Variants in FBXL17 observed in about 807,000 individuals in gnomAD.
FBXL17 encodes the protein F-box and leucine rich repeat protein 17, also known as F-box/LRR-repeat protein 17.
In FBXL17, 22 loss-of-function variants were observed where a neutral mutation model predicts 66.2. That is an observed-to-expected ratio of 0.33 (90% CI 0.24 to 0.47). FBXL17 has a LOEUF of 0.47. FBXL17 is among the 20% of genes least tolerant of loss of function. The pLI, the probability that FBXL17 is intolerant of heterozygous loss-of-function variation, is 1.00. For synonymous variants in FBXL17, 474 were observed against 400.5 expected (o/e 1.18, Z -2.19); for missense variants, 878 against 948.2 (o/e 0.93, Z 0.97).
At chr5:107,919,539 T>C (rs1191661092) in intron 7 of FBXL17, among the ~76,000 whole-genome samples, 1 of 152,148 alleles carries the variant, frequency 6.6e-6, no homozygotes, top group African/African-American at 2.4e-5. Flanking sequence ...CCAGTGTCTT[T>C]TACCTCCAGA....
At chr5:108,359,906 A>C (rs898257001) in intron 3 of FBXL17, among the ~76,000 whole-genome samples, 2 of 152,100 alleles carry the variant, frequency 1.3e-5, no homozygotes, top group Non-Finnish European at 2.9e-5. Context: ...TCAAATGATT[A>C]ATGTACAACT....
intron 7 of FBXL17, among the ~76,000 whole-genome samples, chr5:107,885,197 T>A (rs1380291128): frequency 6.6e-6 from 1 of 152,218 alleles, no homozygotes; most frequent in Non-Finnish European, 1.5e-5. Flanking sequence ...TTTAATATAC[T>A]TTTTAATGTG....
intron 6 of FBXL17, among the ~76,000 whole-genome samples, chr5:108,184,718 A>G (rs1244291927): frequency 7.6e-6 from 1 of 131,254 alleles, no homozygotes; most frequent in Non-Finnish European, 1.5e-5. Context: ...ACTGCACTCC[A>G]GCCCGGGTGC....
intron 4 of FBXL17, among the ~76,000 whole-genome samples, chr5:108,296,289 A>G (rs1758347794): frequency 6.6e-6 from 1 of 151,810 alleles, no homozygotes; most frequent in South Asian, 2.1e-4. Flanking sequence ...GGGAATCAGG[A>G]TATGATTCAT....
intron 7 of FBXL17, among the ~76,000 whole-genome samples, chr5:107,948,577 C>G (rs1284908218): frequency 2.0e-5 from 3 of 152,206 alleles, no homozygotes; most frequent in Non-Finnish European, 4.4e-5. Context: ...AGAGAGTAAA[C>G]AGAGCTGTCT....
At chr5:108,297,880 A>G (rs1189674367) in intron 4 of FBXL17, 7 of 929,170 alleles carry the variant, frequency 7.5e-6, no homozygotes, top group Non-Finnish European at 9.0e-6. Flanking sequence ...ACAACAAACA[A>G]AAAACCTAAA....
chr5:108,166,322 G>A (rs1752414570), intron 6 of FBXL17, among the ~76,000 whole-genome samples: 1 of 152,180 alleles, frequency 6.6e-6, no homozygotes, highest in Non-Finnish European at 1.5e-5. Context: ...ACCTGCCGGT[G>A]TCTTACCTCT....
chr5:108,328,923 C>T (rs556643499), intron 4 of FBXL17, among the ~76,000 whole-genome samples: 13 of 152,032 alleles, frequency 8.6e-5, no homozygotes, highest in Non-Finnish European at 1.8e-4. Flanking sequence ...TAATGTTATT[C>T]TTATGCCATA....
intron 3 of FBXL17, among the ~76,000 whole-genome samples, chr5:108,354,322 G>GGC (rs1206030093): frequency 2.6e-5 from 4 of 152,066 alleles, no homozygotes; most frequent in Non-Finnish European, 5.9e-5. Context: ...GCTTTAATGG[G>GGC]AAAAGTAGGC....
At chr5:107,955,969 A>G (rs547354513) in intron 7 of FBXL17, among the ~76,000 whole-genome samples, 1 of 152,176 alleles carries the variant, frequency 6.6e-6, no homozygotes, top group Non-Finnish European at 1.5e-5. Context: ...CTCAAAACCA[A>G]TTACCTCTAA....
Position 108,200,379 on chromosome 5 carries a change from G to A in FBXL17, c.1615-14132C>T, listed in dbSNP as rs115454225. 5.7e-3 allele frequency among the ~76,000 whole-genome samples: 861 copies of A among 152,090 alleles called. 12 individuals carry two copies. Among genetic ancestry groups the A allele is most frequent in the African/African-American group, 0.02 (819 of 41,496 alleles). On this transcript the variant is annotated intron_variant, in intron 5 of 8. Transcript: ENST00000542267. Reference sequence around the variant, plus strand: ...AAGCAAAAGAAAAGAAGGAGGAAGGGGGGCACAGGTTTCCAGCAATTAAAA... The same window carrying A: ...AAGCAAAAGAAAAGAAGGAGGAAGGAGGGCACAGGTTTCCAGCAATTAAAA...
intron 6 of FBXL17, among the ~76,000 whole-genome samples, chr5:108,107,803 C>G (rs189412258): frequency 7.1e-5 from 9 of 127,308 alleles, no homozygotes; most frequent in Admixed American, 5.3e-4. Context: ...CACAGCAAGA[C>G]TCTGTCTCAA....
intron 6 of FBXL17, among the ~76,000 whole-genome samples, chr5:108,083,218 A>AACACACAC (rs756726228): frequency 2.1e-3 from 306 of 144,590 alleles, no homozygotes; most frequent in East Asian, 5.1e-3. Context: ...CTCACCTCAG[A>AACACACAC]ACACACACAC....
intron 4 of FBXL17, among the ~76,000 whole-genome samples, chr5:108,267,358 C>T (rs2150133220): frequency 6.6e-6 from 1 of 152,108 alleles, no homozygotes; most frequent in East Asian, 1.9e-4. Flanking sequence ...AGAAATTTCA[C>T]ATAACCACAA....
At chr5:107,902,578 G>T (rs1749605239) in intron 7 of FBXL17, among the ~76,000 whole-genome samples, 1 of 152,052 alleles carries the variant, frequency 6.6e-6, no homozygotes, top group East Asian at 1.9e-4. Flanking sequence ...GGTAAATTCG[G>T]ATTATCCCTC....
chr5:108,207,636 C>T (rs1466326702), intron 5 of FBXL17, among the ~76,000 whole-genome samples: 2 of 152,080 alleles, frequency 1.3e-5, no homozygotes, highest in African/African-American at 4.8e-5. Context: ...CCTCCATGAC[C>T]CTGCAAAGGA....
chr5:108,320,168 C>T (rs2150216415), intron 4 of FBXL17, among the ~76,000 whole-genome samples: 1 of 151,856 alleles, frequency 6.6e-6, no homozygotes, highest in South Asian at 2.1e-4. Context: ...CCTTTCCTTA[C>T]CTTTTCTTTT....
intron 6 of FBXL17, among the ~76,000 whole-genome samples, chr5:108,042,709 C>T (rs550766374): frequency 6.6e-5 from 10 of 152,314 alleles, no homozygotes; most frequent in African/African-American, 1.9e-4. Context: ...AATAAAGCTT[C>T]TATAAATATT....
chr5:108,209,562 G>C (rs1039856991), intron 5 of FBXL17, among the ~76,000 whole-genome samples: 1 of 152,278 alleles, frequency 6.6e-6, no homozygotes, highest in African/African-American at 2.4e-5. Flanking sequence ...CATCTATTGA[G>C]ATAATCATGT....
Sources: allele counts gnomAD v4.1 joint callset (sites outside exome capture counted in the v4.1 genomes callset), GRCh38; gene constraint gnomAD v4.1.1; transcripts MANE v1.5; gene names NCBI Gene and HGNC (gene_info 2026-07-23, HGNC 2026-07-21).